Variants in CA10 observed in about 807,000 individuals in gnomAD.
CA10 encodes carbonic anhydrase 10 (inactive).
Under a neutral mutation model 44.2 loss-of-function variants are expected in CA10, and 14 were observed. The ratio of observed to expected loss-of-function variants is 0.32; its 90% confidence interval spans 0.21 to 0.50. The LOEUF is 0.50. Ranked by LOEUF, CA10 falls within the 20% of genes least tolerant of loss-of-function variation. The probability of loss-of-function intolerance (pLI) is 0.99; values close to 1 mark genes in which losing one functional copy is unlikely to be tolerated. For synonymous variants in CA10, 159 were observed against 141.6 expected (o/e 1.12, Z -0.87); for missense variants, 350 against 409.7 (o/e 0.85, Z 1.26).
At chr17:52,001,052 T>G (rs1985406786) in intron 2 of CA10, among the ~76,000 whole-genome samples, 1 of 150,324 alleles carries the variant, frequency 6.7e-6, no homozygotes, top group Non-Finnish European at 1.5e-5. Context: ...CTGAGCACTC[T>G]TTTTGTTGTT....
At chr17:52,082,792 A>C (rs904324680) in intron 1 of CA10, among the ~76,000 whole-genome samples, 1 of 152,188 alleles carries the variant, frequency 6.6e-6, no homozygotes, top group Non-Finnish European at 1.5e-5. Flanking sequence ...TAGGCAACTT[A>C]AGAAGCATCA....
intron 3 of CA10, among the ~76,000 whole-genome samples, chr17:51,771,254 A>G (rs547279374): frequency 2.6e-5 from 4 of 152,052 alleles, no homozygotes; most frequent in African/African-American, 9.6e-5. Context: ...TCCATCTCCA[A>G]TACTGGAGAT....
intron 3 of CA10, among the ~76,000 whole-genome samples, chr17:51,760,347 A>G (rs778396788): frequency 1.3e-5 from 2 of 152,182 alleles, no homozygotes; most frequent in Non-Finnish European, 2.9e-5. Flanking sequence ...TTGCCCCTAT[A>G]GGCTCTCTCT....
At chr17:52,095,715 C>G (rs1248805079) in intron 1 of CA10, among the ~76,000 whole-genome samples, 2 of 152,158 alleles carry the variant, frequency 1.3e-5, no homozygotes, top group Non-Finnish European at 2.9e-5. Flanking sequence ...GAATTCAATA[C>G]TAAATTAATC....
intron 4 of CA10, among the ~76,000 whole-genome samples, chr17:51,670,950 C>T (rs932185167): frequency 2.6e-5 from 4 of 152,140 alleles, no homozygotes; most frequent in African/African-American, 7.2e-5. Context: ...CTCTAATAGA[C>T]GGAAGTGCTC....
intron 3 of CA10, among the ~76,000 whole-genome samples, chr17:51,889,041 T>C (rs1413113306): frequency 6.6e-6 from 1 of 152,160 alleles, no homozygotes; most frequent in Non-Finnish European, 1.5e-5. Flanking sequence ...CCAATCAGAA[T>C]AACAACACAT....
At chr17:51,988,465 C>T (rs1465772343) in intron 2 of CA10, among the ~76,000 whole-genome samples, 1 of 151,768 alleles carries the variant, frequency 6.6e-6, no homozygotes, top group Non-Finnish European at 1.5e-5. Context: ...ATGTTGAGTA[C>T]CTATAAAACA....
intron 1 of CA10, among the ~76,000 whole-genome samples, chr17:52,075,662 ACT>A (rs1987799342): frequency 6.6e-6 from 1 of 152,028 alleles, no homozygotes; most frequent in South Asian, 2.1e-4. Flanking sequence ...GCTAATTGCC[ACT>A]CTTTCATTAT....
chr17:51,776,857 G>A lies in CA10; in HGVS notation c.280-29039C>T, dbSNP rs556249050. Among the ~76,000 whole-genome samples, 662 of 152,248 alleles carry A rather than the reference G, an allele frequency of 4.3e-3. 3 individuals carry two copies. Among genetic ancestry groups the A allele is most frequent in the Non-Finnish European group, 7.7e-3 (525 of 68,022 alleles). ...TCCTGGAGAATCTCATCTGTGTAGC[G>A]GGGCGTGGGAGTCAGGTTTTTCAGA... On this transcript the variant is annotated intron_variant, in intron 3 of 8. Transcript: ENST00000451037.
At position 51,662,457 on chromosome 17, in the gene CA10, C is replaced by A. The variant is rs974109; in HGVS notation, c.466-8721G>T. Among the ~76,000 whole-genome samples the A allele has an allele frequency of 5.1e-3, 774 of 152,306 alleles. 5 individuals are homozygous for A. The highest frequency in any genetic ancestry group is 0.017 in the African/African-American group (720 of 41,556). On this transcript the variant is annotated intron_variant, in intron 4 of 8. Transcript: ENST00000451037. ...AAAGTGACAGTGACTATTCATTTCA[C>A]ATTAGCATATGCAAATAGTTTCTTT... is the stretch of plus-strand genomic sequence containing the variant.
intron 1 of CA10, among the ~76,000 whole-genome samples, chr17:52,124,997 C>G (rs912436520): frequency 2.6e-5 from 4 of 152,214 alleles, no homozygotes; most frequent in Non-Finnish European, 4.4e-5. Flanking sequence ...TATTATCTCT[C>G]CATAATGAAA....
At chr17:51,938,724 G>A (rs137906701) in intron 2 of CA10, among the ~76,000 whole-genome samples, 2 of 152,078 alleles carry the variant, frequency 1.3e-5, no homozygotes, top group Non-Finnish European at 2.9e-5. Flanking sequence ...TAAAGGTAAA[G>A]AGAAAGGAGG....
intron 3 of CA10, among the ~76,000 whole-genome samples, chr17:51,866,244 G>C (rs905283919): frequency 1.3e-5 from 2 of 152,170 alleles, no homozygotes; most frequent in African/African-American, 4.8e-5. Context: ...ACTAGGTTAG[G>C]AAATATTCCA....
At chr17:51,911,122 G>A (rs1322134066) in intron 3 of CA10, among the ~76,000 whole-genome samples, 1 of 152,072 alleles carries the variant, frequency 6.6e-6, no homozygotes, top group Admixed American at 6.6e-5. Context: ...GCCCCTCCAG[G>A]CGCTTTTAAT....
intron 1 of CA10, among the ~76,000 whole-genome samples, chr17:52,110,527 C>T (rs905166792): frequency 1.3e-5 from 2 of 152,158 alleles, no homozygotes; most frequent in Non-Finnish European, 2.9e-5. Context: ...CTAGGTTGGG[C>T]TCTCTAGAGT....
intron 4 of CA10, among the ~76,000 whole-genome samples, chr17:51,654,627 G>T (rs771615598): frequency 1.3e-5 from 2 of 151,470 alleles, no homozygotes; most frequent in Non-Finnish European, 2.9e-5. Context: ...CGCGATTTCA[G>T]CTCACTGCAA....
At chr17:51,869,737 C>A (rs541033428) in intron 3 of CA10, among the ~76,000 whole-genome samples, 21 of 152,140 alleles carry the variant, frequency 1.4e-4, no homozygotes, top group African/African-American at 4.8e-4. Context: ...GAGCAAACCC[C>A]CTGTCTCTAC....
chr17:51,853,494 A>T (rs1978893953), intron 3 of CA10, among the ~76,000 whole-genome samples: 1 of 152,216 alleles, frequency 6.6e-6, no homozygotes, highest in African/African-American at 2.4e-5. Context: ...GGAATGCCCC[A>T]AACCCCAACA....
intron 6 of CA10, among the ~76,000 whole-genome samples, chr17:51,642,139 C>T (rs1204180330): frequency 6.6e-6 from 1 of 152,180 alleles, no homozygotes; most frequent in African/African-American, 2.4e-5. Context: ...GAATTGGATT[C>T]GTGGAGGTAA....
Sources: allele counts gnomAD v4.1 joint callset (sites outside exome capture counted in the v4.1 genomes callset), GRCh38; gene constraint gnomAD v4.1.1; transcripts MANE v1.5; gene names NCBI Gene and HGNC (gene_info 2026-07-23, HGNC 2026-07-21).